KCNJ6: variants seen among roughly 807,000 people sequenced by gnomAD.
KCNJ6 encodes the protein G protein-activated inward rectifier potassium channel 2.
A neutral mutation model predicts 34.2 loss-of-function variants in KCNJ6; 9 were observed. The ratio of observed to expected loss-of-function variants is 0.26; its 90% CI spans 0.16 to 0.46. The LOEUF (loss-of-function observed/expected upper bound fraction) is 0.46, where lower values mean the gene tolerates loss of function less well. Ranked by LOEUF, KCNJ6 falls within the 20% of genes least tolerant of loss-of-function variation. The probability of loss-of-function intolerance (pLI) is 1.00; values close to 1 mark genes in which losing one functional copy is unlikely to be tolerated. For synonymous variants in KCNJ6, 196 were observed against 207.1 expected, an observed-to-expected ratio of 0.95 and a Z score of 0.46; for missense variants, 236 against 531.3, an observed-to-expected ratio of 0.44 and a Z score of 5.46.
intron 2 of KCNJ6, among the ~76,000 whole-genome samples, chr21:37,808,622 A>G (rs577685671): frequency 6.6e-6 from 1 of 152,350 alleles, no homozygotes; most frequent in African/African-American, 2.4e-5. Flanking sequence ...GATATCTAAG[A>G]TGTTAGAACA....
At chr21:37,866,299 C>G (rs920816771) in intron 1 of KCNJ6, among the ~76,000 whole-genome samples, 50 of 152,196 alleles carry the variant, frequency 3.3e-4, no homozygotes, top group African/African-American at 1.2e-3. Context: ...TAATAAGCCT[C>G]TTACTGTATA....
At chr21:37,642,509 G>T (rs1046568420) in intron 3 of KCNJ6, among the ~76,000 whole-genome samples, 2 of 152,166 alleles carry the variant, frequency 1.3e-5, no homozygotes, top group African/African-American at 4.8e-5. Context: ...AAAGCTGAGG[G>T]GTAAAGAGGG....
intron 2 of KCNJ6, among the ~76,000 whole-genome samples, chr21:37,824,962 G>T (rs1409256479): frequency 1.1e-4 from 17 of 151,860 alleles, no homozygotes; most frequent in Non-Finnish European, 2.5e-4. Context: ...GGCTTTCGTG[G>T]GTTTACTCCC....
intron 2 of KCNJ6, among the ~76,000 whole-genome samples, chr21:37,716,724 C>T (rs1327211478): frequency 1.3e-5 from 2 of 152,268 alleles, no homozygotes; most frequent in East Asian, 3.9e-4. Flanking sequence ...CACTGGTTCA[C>T]TCATTAGTTA....
At position 37,762,954 on chromosome 21, in the gene KCNJ6, C is replaced by T. The variant is rs186471838; in HGVS notation, c.26-47823G>A. Reference sequence around the variant, plus strand: ...AACGATGTTCCAATCTTGATTCAGCCGGGGAAATCTTTCTTCACACAGATG... The same window carrying T: ...AACGATGTTCCAATCTTGATTCAGCTGGGGAAATCTTTCTTCACACAGATG... On this transcript the variant is annotated intron_variant, in intron 2 of 3. Transcript: ENST00000609713. Among the ~76,000 whole-genome samples the T allele has an allele frequency of 3.9e-3, 588 of 152,194 alleles. 11 individuals are homozygous for T. Among genetic ancestry groups the T allele is most frequent in the Non-Finnish European group, 2.1e-3 (141 of 67,994 alleles).
chr21:37,708,760 T>C (rs905138221), intron 3 of KCNJ6, among the ~76,000 whole-genome samples: 2 of 152,164 alleles, frequency 1.3e-5, no homozygotes, highest in Non-Finnish European at 2.9e-5. Context: ...GGCTTGGCAA[T>C]GGAGGGATCA....
chr21:37,809,958 T>C (rs1278579183), intron 2 of KCNJ6, among the ~76,000 whole-genome samples: 1 of 152,262 alleles, frequency 6.6e-6, no homozygotes, highest in East Asian at 1.9e-4. Context: ...CACTGGACTT[T>C]ATGTGAGTGA....
At chr21:37,700,127 C>T (rs2054683137) in intron 3 of KCNJ6, among the ~76,000 whole-genome samples, 2 of 152,006 alleles carry the variant, frequency 1.3e-5, no homozygotes, top group Non-Finnish European at 2.9e-5. Flanking sequence ...AATCTTTATC[C>T]TCAAAAGTGT....
At chr21:37,874,734 G>T (rs1415435349) in intron 1 of KCNJ6, among the ~76,000 whole-genome samples, 5 of 152,106 alleles carry the variant, frequency 3.3e-5, no homozygotes, top group African/African-American at 1.2e-4. Flanking sequence ...TCTTCCATTT[G>T]CTCAGGCCTC....
chr21:37,677,771 T>TCCATCCACCCACCCAC (rs2054571577), intron 3 of KCNJ6, among the ~76,000 whole-genome samples: 3 of 14,118 alleles, frequency 2.1e-4, no homozygotes, highest in South Asian at 5.6e-3. Flanking sequence ...AAACCATTTG[T>TCCATCCACCCACCCAC]CCATCCATCC....
intron 3 of KCNJ6, among the ~76,000 whole-genome samples, chr21:37,659,031 A>G (rs774575749): frequency 9.2e-5 from 14 of 152,246 alleles, no homozygotes; most frequent in Admixed American, 6.5e-4. Context: ...CTCAAACAAG[A>G]TGTTTTTAAA....
intron 3 of KCNJ6, among the ~76,000 whole-genome samples, chr21:37,654,223 G>C (rs2054447257): frequency 1.4e-5 from 2 of 148,120 alleles, no homozygotes; most frequent in African/African-American, 5.0e-5. Context: ...ATTCACTCAT[G>C]GAATCAGGAA....
intron 1 of KCNJ6, among the ~76,000 whole-genome samples, chr21:37,902,739 T>A (rs1227711547): frequency 6.6e-6 from 1 of 152,134 alleles, no homozygotes; most frequent in Non-Finnish European, 1.5e-5. Context: ...CCACAGACAG[T>A]GCCCATGGTG....
intron 2 of KCNJ6, among the ~76,000 whole-genome samples, chr21:37,738,103 T>C (rs1292487570): frequency 6.6e-6 from 1 of 152,202 alleles, no homozygotes; most frequent in Non-Finnish European, 1.5e-5. Context: ...TTGAGCACTT[T>C]TGAGTCTCGG....
chr21:37,709,504 A>G (rs944084574), intron 3 of KCNJ6, among the ~76,000 whole-genome samples: 6 of 138,988 alleles, frequency 4.3e-5, no homozygotes, highest in Non-Finnish European at 9.2e-5. Context: ...ACGAGAGCAA[A>G]ACCCTGTCTC....
chr21:37,721,508 G>C (rs1426322410), intron 2 of KCNJ6, among the ~76,000 whole-genome samples: 1 of 152,310 alleles, frequency 6.6e-6, no homozygotes, highest in Admixed American at 6.5e-5. Context: ...GCAGTGAAAA[G>C]GTGAATACAA....
intron 3 of KCNJ6, among the ~76,000 whole-genome samples, chr21:37,669,175 A>G (rs1033661046): frequency 3.3e-5 from 5 of 152,184 alleles, no homozygotes; most frequent in Admixed American, 2.0e-4. Context: ...CCAATTGCCA[A>G]TCAGAAAATC....
intron 3 of KCNJ6, among the ~76,000 whole-genome samples, chr21:37,688,999 A>G (rs1294325634): frequency 6.6e-6 from 1 of 152,258 alleles, no homozygotes; most frequent in Admixed American, 6.5e-5. Flanking sequence ...AAAGGTGCAT[A>G]TATCATTGGT....
At chr21:37,810,270 A>C (rs182136693) in intron 2 of KCNJ6, among the ~76,000 whole-genome samples, 1 of 152,322 alleles carries the variant, frequency 6.6e-6, no homozygotes, top group African/African-American at 2.4e-5. Context: ...ATGGTATTCC[A>C]TTGAATGATT....
Sources: gnomAD v4.1 joint callset for allele counts (sites outside exome capture counted in the v4.1 genomes callset) on GRCh38, gnomAD v4.1.1 for gene constraint, MANE v1.5 for transcripts, NCBI Gene and HGNC (gene_info 2026-07-23, HGNC 2026-07-21) for gene names.